Variants in BRINP3 observed in about 807,000 individuals in gnomAD.
BRINP3 encodes the protein BMP/retinoic acid inducible neural specific 3, also known as BMP/retinoic acid-inducible neural-specific protein 3.
Under a neutral mutation model 71.0 loss-of-function variants are expected in BRINP3, and 19 were observed. The observed-to-expected ratio is 0.27, with a 90% confidence interval of 0.19 to 0.39. BRINP3 has a LOEUF of 0.39. Among genes scored for constraint, BRINP3 ranks in the 10% least tolerant of loss-of-function variants. BRINP3 has a pLI of 1.00. For synonymous variants in BRINP3, 380 were observed against 337.7 expected, an observed-to-expected ratio of 1.13 and a Z score of -1.37; for missense variants, 959 against 940.8, an observed-to-expected ratio of 1.02 and a Z score of -0.25.
intron 1 of BRINP3, among the ~76,000 whole-genome samples, chr1:190,461,677 A>G (rs1345922117): frequency 1.3e-5 from 2 of 152,192 alleles, no homozygotes; most frequent in East Asian, 1.9e-4. Context: ...GTGCAACTGC[A>G]ACTGGTGGTG....
intron 7 of BRINP3, among the ~76,000 whole-genome samples, chr1:190,121,639 A>AT (rs557060814): frequency 2.6e-5 from 4 of 152,206 alleles, no homozygotes; most frequent in Non-Finnish European, 5.9e-5. Context: ...GAAACCTTGC[A>AT]TAAGCATTAA....
intron 2 of BRINP3, among the ~76,000 whole-genome samples, chr1:190,383,505 C>G (rs1670683632): frequency 6.6e-6 from 1 of 152,010 alleles, no homozygotes; most frequent in African/African-American, 2.4e-5. Flanking sequence ...CTATAAGTTA[C>G]TCATATGAGA....
chr1:190,234,699 C>A (rs937630816), intron 4 of BRINP3, among the ~76,000 whole-genome samples: 1 of 151,964 alleles, frequency 6.6e-6, no homozygotes, highest in Non-Finnish European at 1.5e-5. Context: ...GCATAAATAT[C>A]CCAGGAAAAT....
intron 7 of BRINP3, among the ~76,000 whole-genome samples, chr1:190,121,084 A>G (rs1331824391): frequency 6.6e-6 from 1 of 152,168 alleles, no homozygotes; most frequent in Non-Finnish European, 1.5e-5. Flanking sequence ...AAAATTATCT[A>G]TGAAATCATG....
intron 3 of BRINP3, among the ~76,000 whole-genome samples, chr1:190,272,143 T>A (rs1258098984): frequency 1.3e-5 from 2 of 151,564 alleles, no homozygotes; most frequent in Non-Finnish European, 3.0e-5. Context: ...AAGTTACAGA[T>A]TAATATGACT....
intron 1 of BRINP3, among the ~76,000 whole-genome samples, chr1:190,459,409 T>A (rs1012875193): frequency 2.0e-5 from 3 of 151,872 alleles, no homozygotes; most frequent in Non-Finnish European, 4.4e-5. Flanking sequence ...ATATATCATA[T>A]ATATTTGAAA....
At chr1:190,452,862 A>G (rs879575659) in intron 2 of BRINP3, among the ~76,000 whole-genome samples, 54 of 152,294 alleles carry the variant, frequency 3.5e-4, no homozygotes, top group Admixed American at 3.1e-3. Flanking sequence ...GTCCCAAAAA[A>G]ACATAAACAA....
intron 7 of BRINP3, among the ~76,000 whole-genome samples, chr1:190,133,906 A>G (rs1309026841): frequency 6.6e-6 from 1 of 152,074 alleles, no homozygotes; most frequent in Non-Finnish European, 1.5e-5. Context: ...AAATCTCTGT[A>G]TGTAAGTTAA....
chr1:190,267,604 G>A (rs1661767266), intron 3 of BRINP3, among the ~76,000 whole-genome samples: 1 of 151,904 alleles, frequency 6.6e-6, no homozygotes, highest in South Asian at 2.1e-4. Flanking sequence ...TTTTTTAAAA[G>A]AGTGGAAACG....
intron 2 of BRINP3, among the ~76,000 whole-genome samples, chr1:190,365,353 T>G (rs1669413487): frequency 6.6e-6 from 1 of 151,868 alleles, no homozygotes; most frequent in Non-Finnish European, 1.5e-5. Context: ...AGCATTGATT[T>G]TACTACATTC....
intron 6 of BRINP3, among the ~76,000 whole-genome samples, chr1:190,199,520 C>T (rs991605064): frequency 6.6e-6 from 1 of 152,006 alleles, no homozygotes; most frequent in Non-Finnish European, 1.5e-5. Flanking sequence ...TATGCAGATA[C>T]CCAAACCAGA....
chr1:190,347,108 T>C (rs1291236186), intron 2 of BRINP3, among the ~76,000 whole-genome samples: 1 of 152,108 alleles, frequency 6.6e-6, no homozygotes, highest in Non-Finnish European at 1.5e-5. Flanking sequence ...TGAGTGCATG[T>C]TATTTATCAA....
chr1:190,350,820 T>A (rs1185492187), intron 2 of BRINP3, among the ~76,000 whole-genome samples: 1 of 102,276 alleles, frequency 9.8e-6, no homozygotes, highest in Non-Finnish European at 2.0e-5. Flanking sequence ...CAAGTTCACC[T>A]TGTTTTTTTT....
At position 190,344,915 on chromosome 1, in the gene BRINP3, G is replaced by A. The variant is rs75418098; in HGVS notation, c.237-63165C>T. Among the ~76,000 whole-genome samples the A allele has an allele frequency of 3.4e-3, 510 of 151,842 alleles. 6 individuals are homozygous for A. The highest frequency in any genetic ancestry group is 0.012 in the African/African-American group (482 of 41,514). On this transcript the variant is annotated intron_variant, in intron 2 of 7. Transcript: ENST00000367462. The stretch of plus-strand genomic sequence containing the variant: ...TATTACTACAGAATGATGAACACTC[G>A]CTTAAAGCAGAAGTAGTGAGCACTG...
chr1:190,132,434 A>G (rs1055345611), intron 7 of BRINP3, among the ~76,000 whole-genome samples: 1 of 152,122 alleles, frequency 6.6e-6, no homozygotes, highest in Non-Finnish European at 1.5e-5. Flanking sequence ...GGTTGTAGTA[A>G]AACTCATTTC....
chr1:190,371,818 T>C (rs1419445548), intron 2 of BRINP3, among the ~76,000 whole-genome samples: 1 of 152,156 alleles, frequency 6.6e-6, no homozygotes, highest in Non-Finnish European at 1.5e-5. Context: ...GCATCTGGCA[T>C]AGGGGGCACA....
chr1:190,152,539 C>T (rs939372527), intron 7 of BRINP3, among the ~76,000 whole-genome samples: 4 of 133,028 alleles, frequency 3.0e-5, no homozygotes, highest in African/African-American at 1.1e-4. Flanking sequence ...CAACCCCCCC[C>T]CCGCCCCCCA....
intron 6 of BRINP3, among the ~76,000 whole-genome samples, chr1:190,203,481 A>C (rs570432303): frequency 7.3e-6 from 1 of 137,344 alleles, no homozygotes; most frequent in Non-Finnish European, 1.5e-5. Context: ...GTGTGTGTGT[A>C]TATATATATA....
chr1:190,226,215 A>G lies in BRINP3; in HGVS notation c.828T>C (p.Asn276=), dbSNP rs780969550. The G allele has an allele frequency of 8.8e-5, 142 of 1,612,580 alleles. No homozygotes were observed. Among genetic ancestry groups the G allele is most frequent in the Non-Finnish European group, 1.1e-4 (132 of 1,179,172 alleles). Residue 276 remains asparagine, a synonymous_variant, in exon 6 of 8, where the codon AAT becomes AAC. Transcript: ENST00000367462. ...NSEGEFICKE[N]DCWCHCGPKF... ...TGGGACCACAGTGACACCAGCAGTC[A>G]TTTTCCTTGCAGATAAACTCTCCCT... is the stretch of plus-strand genomic sequence containing the variant.
Sources: gnomAD v4.1 joint callset for allele counts (sites outside exome capture counted in the v4.1 genomes callset) on GRCh38, gnomAD v4.1.1 for gene constraint, MANE v1.5 for transcripts, NCBI Gene and HGNC (gene_info 2026-07-23, HGNC 2026-07-21) for gene names.